Variants in MDN1 observed in about 807,000 individuals in gnomAD.
The protein encoded by MDN1 is midasin AAA ATPase 1.
A neutral mutation model predicts 669.2 loss-of-function variants in MDN1; 266 were observed. The ratio of observed to expected loss-of-function variants is 0.40; its 90% CI spans 0.36 to 0.44. MDN1 has a LOEUF of 0.44. Among genes scored for constraint, MDN1 ranks in the 20% least tolerant of loss-of-function variants. The pLI is 1.00. For synonymous variants in MDN1, 2,385 were observed against 2,457.1 expected (o/e 0.97, Z 0.87); for missense variants, 5,940 against 6,754.0 (o/e 0.88, Z 4.22).
chr6:89,664,688 T>G, intron 84 of MDN1, 60 bp from the exon 85 acceptor site: 1 of 1,415,146 alleles, frequency 7.1e-7, no homozygotes, highest in Non-Finnish European at 9.8e-7. Context: ...GCTTCAGCTG[T>G]GAGATATAAA....
intron 1 of MDN1, among the ~76,000 whole-genome samples, chr6:89,819,014 T>C (rs754057727): frequency 2.6e-5 from 4 of 152,186 alleles, no homozygotes; most frequent in Admixed American, 6.5e-5. Flanking sequence ...ATTTCCCTCA[T>C]GGCAGAGATC....
intron 31 of MDN1, among the ~76,000 whole-genome samples, chr6:89,741,526 A>C (rs147877572): frequency 1.3e-5 from 2 of 152,092 alleles, no homozygotes; most frequent in Non-Finnish European, 2.9e-5. Flanking sequence ...CAAAAGGTTA[A>C]AATTACGGCT....
chr6:89,810,236 G>A (rs1050607841), intron 1 of MDN1, among the ~76,000 whole-genome samples: 5 of 151,802 alleles, frequency 3.3e-5, no homozygotes, highest in Admixed American at 1.3e-4. Flanking sequence ...AGGAGTTCGA[G>A]ACCAGCCTGA....
At chr6:89,720,884 C>A (rs1350214690) in intron 40 of MDN1, among the ~76,000 whole-genome samples, 1 of 152,198 alleles carries the variant, frequency 6.6e-6, no homozygotes, top group Non-Finnish European at 1.5e-5. Context: ...TTTGTAATCA[C>A]AGCACTTTGG....
intron 34 of MDN1, 87 bp from the exon 35 acceptor site, chr6:89,731,010 GAA>G: frequency 8.4e-7 from 1 of 1,195,332 alleles, no homozygotes. Context: ...CAGGTTCCCG[GAA>G]AAAAGAGGCC....
chr6:89,684,603 G>A (rs565871880), intron 71 of MDN1, among the ~76,000 whole-genome samples: 23 of 152,260 alleles, frequency 1.5e-4, no homozygotes, highest in African/African-American at 5.1e-4. Flanking sequence ...TGGGAGACAG[G>A]CCTGGGCAAG....
chr6:89,700,191 G>A lies in MDN1; in HGVS notation c.8742C>T (p.Ser2914=). ...GGATTACGGAGGTCAAGTCTGGATG[G>A]GACAGGGAGGAAGCTTCATCATGCT... ...EKKHDEASSL[S]HPDLTSVIHL... Residue 2914 remains serine, a synonymous_variant, in exon 57 of 102, where the codon TCC becomes TCT. Coordinates refer to ENST00000369393, the MANE Select transcript of MDN1 (RefSeq NM_014611.3). 2 of 1,614,118 alleles carry A rather than the reference G, an allele frequency of 1.2e-6. No individual in the cohort carries two copies. The highest frequency in any genetic ancestry group is 1.1e-5 in the South Asian group (1 of 91,074).
intron 12 of MDN1, among the ~76,000 whole-genome samples, chr6:89,775,185 T>C (rs796634967): frequency 3.9e-5 from 6 of 152,298 alleles, no homozygotes; most frequent in African/African-American, 1.4e-4. Context: ...CCAACAGCCA[T>C]TCCTCTCTTC....
At chr6:89,719,058 A>G (rs755437359) in intron 41 of MDN1, 28 bp from the exon 42 acceptor site, 2 of 1,613,886 alleles carry the variant, frequency 1.2e-6, no homozygotes, top group South Asian at 1.1e-5. Flanking sequence ...TGAGATTTCC[A>G]TAAGCGTGCC....
Position 89,756,321 on chromosome 6 carries a change from C to T in MDN1, c.2772G>A (p.Leu924=). 6.2e-7 allele frequency: 1 copy of T among 1,603,010 alleles called. No homozygotes were observed. Among genetic ancestry groups the T allele is most frequent in the Non-Finnish European group, 8.5e-7 (1 of 1,174,612 alleles). Residue 924 remains leucine (L), a synonymous_variant, in exon 20 of 102, where the codon CTG becomes CTA. Transcript: ENST00000369393. ...EDLQVLIVDY[L]KGLSVNKNTV... ...TATTCTTGTTCACACTCAATCCTTT[C>T]AGATAATCTACAATAAGAACCTGTA...
chr6:89,747,667 G>A (rs754211840), intron 26 of MDN1, among the ~76,000 whole-genome samples, 197 bp from the exon 27 acceptor site: 3 of 151,966 alleles, frequency 2.0e-5, no homozygotes, highest in South Asian at 2.1e-4. Flanking sequence ...CAAGGCGGGC[G>A]GATCACAAGG....
chr6:89,711,030 G>A (rs2128311722), intron 49 of MDN1, among the ~76,000 whole-genome samples: 1 of 152,238 alleles, frequency 6.6e-6, no homozygotes, highest in East Asian at 1.9e-4. Context: ...GGACAATACA[G>A]ATAAAAATAT....
chr6:89,722,977 C>A lies in MDN1; in HGVS notation c.5945G>T (p.Arg1982Ile), dbSNP rs770642303. Reference protein sequence around the residue: ...HVFLVYGERMRTEEDKKKVIA... With the variant: ...HVFLVYGERMITEEDKKKVIA... ...CACCTTTTTTTTGTCCTCTTCGGTTCTCATTCTTTCACCATAGACCAAAAA... is the reference window on the plus strand; with the variant it reads ...CACCTTTTTTTTGTCCTCTTCGGTTATCATTCTTTCACCATAGACCAAAAA... The change falls in exon 40 of 102, where the codon AGA becomes ATA. Residue 1982 changes from arginine to isoleucine, a missense_variant. Arg to Ile is a moderately conservative substitution (Grantham distance 97, BLOSUM62 -3). This residue lies in a region of MDN1 where 2,292 missense variants were observed against 2,638.3 expected (regional missense o/e 0.87). Coordinates refer to ENST00000369393, the MANE Select transcript of MDN1 (RefSeq NM_014611.3). 1 of 1,611,012 alleles carries A rather than the reference C, an allele frequency of 6.2e-7. No homozygotes were observed. The highest frequency in any genetic ancestry group is 8.5e-7 in the Non-Finnish European group (1 of 1,178,776).
At chr6:89,791,477 A>C (rs1269044390) in intron 5 of MDN1, among the ~76,000 whole-genome samples, 1 of 152,200 alleles carries the variant, frequency 6.6e-6, no homozygotes, top group East Asian at 1.9e-4. Context: ...TAAGTAATAT[A>C]ATGTGAGGTA....
rs369624832 is a variant in MDN1 at position 89,676,220 on chromosome 6, T to A, written c.12540-13A>T. The A allele has an allele frequency of 1.2e-6, 2 of 1,611,346 alleles. No individual in the cohort carries two copies. Among genetic ancestry groups the A allele is most frequent in the Non-Finnish European group, 1.7e-6 (2 of 1,177,608 alleles). On this transcript the variant is annotated splice_polypyrimidine_tract_variant and intron_variant, in intron 76 of 101. Coordinates refer to ENST00000369393, the MANE Select transcript of MDN1 (RefSeq NM_014611.3). ...TTCTGTAAGCAGCCTGGAAAAGATA[T>A]CAACATTGTTTACTTAATTAAAACC...
Position 89,700,842 on chromosome 6 carries a change from C to T in MDN1, c.8442G>A (p.Val2814=), listed in dbSNP as rs376759412. The T allele has an allele frequency of 8.7e-6, 14 of 1,613,930 alleles. No homozygotes were observed. Among genetic ancestry groups the T allele is most frequent in the Non-Finnish European group, 1.2e-5 (14 of 1,179,984 alleles). ...RPFPFKDKLV[V]ECFSQLKVLN... is the part of the protein sequence containing the mutation. ...GGACCTTCAGTTGTGAAAAACACTC[C>T]ACCACCAGCTTGTCCTGAAACAACA... Residue 2814 remains valine (V), a synonymous_variant, in exon 56 of 102, where the codon GTG becomes GTA. Coordinates refer to ENST00000369393, the MANE Select transcript of MDN1 (RefSeq NM_014611.3).
intron 9 of MDN1, among the ~76,000 whole-genome samples, chr6:89,783,125 G>T (rs1818766203): frequency 6.6e-6 from 1 of 152,108 alleles, no homozygotes; most frequent in Non-Finnish European, 1.5e-5. Context: ...CAACCATAAG[G>T]TCTGACTGCC....
chr6:89,819,612 C>CA lies in MDN1; in HGVS notation c.-6dup. 6.2e-7 allele frequency: 1 copy of CA among 1,600,386 alleles called. No individual in the cohort carries two copies. The highest frequency in any genetic ancestry group is 8.5e-7 in the Non-Finnish European group (1 of 1,179,610). On this transcript the variant is annotated 5_prime_UTR_variant, in exon 1 of 102. Transcript: ENST00000369393. ...CTCCAGCAAGAAGTGCTCCATGACCCAGGGCCCTCACCCCGAGCGGCCACC... is the reference window on the plus strand; with the variant it reads ...CTCCAGCAAGAAGTGCTCCATGACCCAAGGGCCCTCACCCCGAGCGGCCACC...
chr6:89,802,427 G>A (rs1233626090), intron 2 of MDN1, among the ~76,000 whole-genome samples: 3 of 152,252 alleles, frequency 2.0e-5, no homozygotes, highest in Non-Finnish European at 4.4e-5. Context: ...GCTCACGCCT[G>A]TAATCCCAAC....
Sources: allele counts gnomAD v4.1 joint callset (sites outside exome capture counted in the v4.1 genomes callset), GRCh38; gene constraint gnomAD v4.1.1; regional missense constraint gnomAD v4.1.1; transcripts MANE v1.5; gene names NCBI Gene and HGNC (gene_info 2026-07-23, HGNC 2026-07-21).